Variants in RAPSN observed in about 807,000 individuals in gnomAD.
The protein encoded by RAPSN is receptor associated protein of the synapse.
A neutral mutation model predicts 45.7 loss-of-function variants in RAPSN; 33 were observed. That is an observed-to-expected ratio of 0.72 (90% confidence interval 0.55 to 0.97). RAPSN has a LOEUF of 0.97. Ranked by LOEUF, RAPSN falls within the 50% of genes least tolerant of loss-of-function variation. The pLI is 0.00. For missense variants in RAPSN, 519 were observed against 559.4 expected, an observed-to-expected ratio of 0.93 and a Z score of 0.73; for synonymous variants, 244 against 233.6, an observed-to-expected ratio of 1.04 and a Z score of -0.40.
At chr11:47,441,524 A>G (rs2076362110) in intron 5 of RAPSN, 87 bp downstream of exon 5, 1 of 1,585,874 alleles carries the variant, frequency 6.3e-7, no homozygotes, top group East Asian at 2.3e-5. Context: ...GACGTCAGAC[A>G]AAGTGGCTGA....
chr11:47,443,387 G>C (rs1441420912), intron 2 of RAPSN, among the ~76,000 whole-genome samples: 1 of 152,110 alleles, frequency 6.6e-6, no homozygotes, highest in African/African-American at 2.4e-5. Context: ...TGATGACCTC[G>C]CCTCAACTCC....
intron 6 of RAPSN, among the ~76,000 whole-genome samples, chr11:47,440,814 C>T (rs988194434): frequency 6.6e-6 from 1 of 152,150 alleles, no homozygotes; most frequent in African/African-American, 2.4e-5. Context: ...GTAGCCCAGG[C>T]TGCTCTCGAA....
chr11:47,448,071 C>G lies in RAPSN; in HGVS notation c.272G>C (p.Arg91Pro), dbSNP rs375218091. Residue 91 changes from arginine (R) to proline (P), a missense_variant, in exon 2 of 8, where the codon CGC (arginine) becomes CCC (proline). Physicochemically the swap from Arg to Pro is moderately radical, Grantham distance 103 (BLOSUM62 -2). Coordinates refer to ENST00000298854, the MANE Select transcript of RAPSN (RefSeq NM_005055.5). ...FLLESYLNLARSNEKLCEFHK... is the reference protein window; with the variant it reads ...FLLESYLNLAPSNEKLCEFHK... Reference sequence around the variant, plus strand: ...AAACTCGCACAGCTTCTCGTTGCTGCGTGCCAGGTTCAGGTAGCTCTCCAG... The same window carrying G: ...AAACTCGCACAGCTTCTCGTTGCTGGGTGCCAGGTTCAGGTAGCTCTCCAG... 1.2e-6 allele frequency: 2 copies of G among 1,613,966 alleles called. No individual in the cohort carries two copies. The highest frequency in any genetic ancestry group is 1.7e-6 in the Non-Finnish European group (2 of 1,179,992).
chr11:47,448,625 G>T, intron 1 of RAPSN, 148 bp downstream of exon 1: 3 of 981,036 alleles, frequency 3.1e-6, no homozygotes, highest in Non-Finnish European at 4.5e-6. Context: ...AAGACCCAGG[G>T]CCTTAGATAT....
At chr11:47,441,433 G>T in intron 5 of RAPSN, 178 bp downstream of exon 5, 1 of 1,303,092 alleles carries the variant, frequency 7.7e-7, no homozygotes, top group Non-Finnish European at 1.1e-6. Flanking sequence ...CTAGCTGTGG[G>T]TCCTAGGGCA....
Position 47,438,850 on chromosome 11 carries a change from C to G in RAPSN, c.1048G>C (p.Val350Leu), listed in dbSNP as rs1239211314. The G allele has an allele frequency of 6.4e-7, 1 of 1,571,150 alleles. No individual in the cohort carries two copies. Among genetic ancestry groups the G allele is most frequent in the East Asian group, 2.3e-5 (1 of 42,952 alleles). Reference sequence around the variant, plus strand: ...TCCTCCACGCACTCGTGGAACCTCACAACGTGCGCCCGCAGTTCCCGCTGC... The same window carrying G: ...TCCTCCACGCACTCGTGGAACCTCAGAACGTGCGCCCGCAGTTCCCGCTGC... ...GLQRELRAHV[V>L]RFHECVEETE... is the part of the protein sequence containing the mutation. Residue 350 changes from valine to leucine, a missense_variant, in exon 7 of 8, where the codon GTG (valine) becomes CTG (leucine). Coordinates refer to ENST00000298854, the MANE Select transcript of RAPSN (RefSeq NM_005055.5).
intron 2 of RAPSN, among the ~76,000 whole-genome samples, chr11:47,444,756 G>A (rs1169480562): frequency 6.6e-6 from 1 of 150,414 alleles, no homozygotes. Context: ...TACTTGGGAG[G>A]CTGAGGCAGG....
intron 6 of RAPSN, among the ~76,000 whole-genome samples, chr11:47,440,778 C>A (rs1032470803): frequency 1.3e-5 from 2 of 152,004 alleles, no homozygotes; most frequent in Admixed American, 1.3e-4. Flanking sequence ...CTTTTCTTTT[C>A]TTTTTTAGAG....
At chr11:47,440,240 C>A (rs1421447752) in intron 6 of RAPSN, among the ~76,000 whole-genome samples, 1 of 152,074 alleles carries the variant, frequency 6.6e-6, no homozygotes, top group Admixed American at 6.6e-5. Flanking sequence ...CCATAAGGAC[C>A]CTGTGTGTGC....
chr11:47,443,931 C>CAAA (rs1161231934), intron 2 of RAPSN, among the ~76,000 whole-genome samples: 316 of 13,960 alleles, frequency 0.023, 58 homozygotes, highest in African/African-American at 0.044. Context: ...CTCTGTCTCA[C>CAAA]AAAAAAAAAA....
chr11:47,447,693 TCA>T (rs1358233227), intron 2 of RAPSN, 117 bp downstream of exon 2: 2 of 1,202,764 alleles, frequency 1.7e-6, no homozygotes, highest in Admixed American at 4.4e-5. Context: ...TCTCTGATTC[TCA>T]CTCTCCTCAG....
In RAPSN at chr11:47,438,474, C is replaced by A. The variant is rs143357203; in HGVS notation, c.1166+258G>T. 2.0e-3 allele frequency: 1,162 copies of A among 576,954 alleles called. 11 individuals are homozygous for A. The highest frequency in any genetic ancestry group is 0.02 in the African/African-American group (1,069 of 53,726). The allele number at this position is 576,954 out of a possible 1,614,324, so 35.7% of individuals were successfully genotyped here. On this transcript the variant is annotated intron_variant, in intron 7 of 7. Transcript: ENST00000298854. ...AGTAGTTGGGATTACAGGCTCCCAC[C>A]ACCATGCCTGGGTAATTTTTGTATT...
rs2076327648 is a variant in RAPSN, at chr11:47,438,049, TG to T, written c.1167-3del. On this transcript the variant is annotated splice_polypyrimidine_tract_variant and splice_region_variant and intron_variant, in intron 7 of 7. Transcript: ENST00000298854. ...CGGGTCCCGTTGTTCTGCAGGCACCTGGGGAGGCAAAGGGCCCTGTCCACTC... is the reference window on the plus strand; with the variant it reads ...CGGGTCCCGTTGTTCTGCAGGCACCTGGGAGGCAAAGGGCCCTGTCCACTC... 6.5e-7 allele frequency: 1 copy of T among 1,549,602 alleles called. No individual in the cohort carries two copies. Among genetic ancestry groups the T allele is most frequent in the African/African-American group, 1.4e-5 (1 of 72,962 alleles).
chr11:47,448,337 C>T (rs943255603), intron 1 of RAPSN, among the ~76,000 whole-genome samples, 187 bp from the exon 2 acceptor site: 1 of 152,046 alleles, frequency 6.6e-6, no homozygotes, highest in African/African-American at 2.4e-5. Flanking sequence ...ACCTTCCCTA[C>T]ACCCCAGCCT....
chr11:47,444,275 T>C (rs765403419), intron 2 of RAPSN, among the ~76,000 whole-genome samples: 1 of 152,152 alleles, frequency 6.6e-6, no homozygotes, highest in East Asian at 1.9e-4. Flanking sequence ...CAATGGCTCA[T>C]GTCTGTAATC....
rs1409800257 is a variant in RAPSN at position 47,438,593 on chromosome 11, C to T, written c.1166+139G>A. ...CCGCCTCGGCCTCCCAAAGTGCTTGCGAGACAGACGTGAGGCACCACGCCT... is the reference window on the plus strand; with the variant it reads ...CCGCCTCGGCCTCCCAAAGTGCTTGTGAGACAGACGTGAGGCACCACGCCT... On this transcript the variant is annotated intron_variant, in intron 7 of 7. Coordinates refer to ENST00000298854, the MANE Select transcript of RAPSN (RefSeq NM_005055.5). 8 of 1,048,820 alleles carry T rather than the reference C, an allele frequency of 7.6e-6. No homozygotes were observed. In the East Asian group the frequency reaches 1.1e-4, roughly 14 times the overall value. 65.0% of individuals were successfully genotyped at this position (1,048,820 alleles called of 1,614,324 possible). A position where few individuals can be genotyped will look rare whatever the true frequency, so the allele number is the denominator to read the frequency against.
rs2076420188 is a variant in RAPSN, at chr11:47,447,824, A to T, written c.519T>A (p.Tyr173Ter). The change falls in exon 2 of 8, where the codon TAT becomes TAA. Residue 173 changes from tyrosine to a stop codon, truncating the protein, a stop_gained. Coordinates refer to ENST00000298854, the MANE Select transcript of RAPSN (RefSeq NM_005055.5). LOFTEE classifies it high-confidence loss of function. The part of the protein sequence containing the change: ...CRVCCSLGSF[Y>*]AQVKDYEKAL... ...GGTGCAGGCCCACCTTGACCTGGGCATAGAAGCTGCCCAGGCTGCAGCACA... is the reference window on the plus strand; with the variant it reads ...GGTGCAGGCCCACCTTGACCTGGGCTTAGAAGCTGCCCAGGCTGCAGCACA... The T allele has an allele frequency of 6.2e-7, 1 of 1,612,372 alleles. No individual in the cohort carries two copies. The highest frequency in any genetic ancestry group is 1.3e-5 in the African/African-American group (1 of 75,000).
rs751790521 is a variant in RAPSN, at chr11:47,441,602, C to A, written c.912+9G>T. The stretch of plus-strand genomic sequence containing the variant: ...AGGGCTGGAGGCTGTGGGAAAGGCC[C>A]GACCTCACCTTGTCCAGCGCCTTCC... On this transcript the variant is annotated intron_variant, in intron 5 of 7. Coordinates refer to ENST00000298854, the MANE Select transcript of RAPSN (RefSeq NM_005055.5). The A allele has an allele frequency of 3.1e-6, 5 of 1,604,234 alleles. No homozygotes were observed. The East Asian group carries it at 1.1e-4, about 36-fold the overall frequency.
intron 3 of RAPSN, among the ~76,000 whole-genome samples, chr11:47,442,218 A>G (rs994555664): frequency 2.0e-5 from 3 of 152,118 alleles, no homozygotes; most frequent in Non-Finnish European, 4.4e-5. Context: ...TTCCGTCTCT[A>G]CCCTTCAAAG....
Sources: allele counts gnomAD v4.1 joint callset (sites outside exome capture counted in the v4.1 genomes callset), GRCh38; gene constraint gnomAD v4.1.1; transcripts MANE v1.5; gene names NCBI Gene and HGNC (gene_info 2026-07-23, HGNC 2026-07-21).